TNS3: variants seen among roughly 807,000 people sequenced by gnomAD.
TNS3 encodes tensin 3.
A neutral mutation model predicts 140.9 loss-of-function variants in TNS3; 45 were observed. That is an observed-to-expected ratio of 0.32 (90% CI 0.25 to 0.41). The LOEUF (loss-of-function observed/expected upper bound fraction) is 0.41. Among genes scored for constraint, TNS3 ranks in the 10% least tolerant of loss-of-function variants. The pLI, the probability that TNS3 is intolerant of heterozygous loss-of-function variation, is 1.00. For missense variants in TNS3, 1,716 were observed against 1,906.7 expected, an observed-to-expected ratio of 0.90 and a Z score of 1.86; for synonymous variants, 815 against 788.4, an observed-to-expected ratio of 1.03 and a Z score of -0.56.
At chr7:47,469,622 C>T (rs1796863072) in intron 4 of TNS3, among the ~76,000 whole-genome samples, 1 of 152,144 alleles carries the variant, frequency 6.6e-6, no homozygotes, top group Non-Finnish European at 1.5e-5. Flanking sequence ...CCGTGCTATT[C>T]ACAATAGCAA....
In TNS3 at chr7:47,564,086, C is replaced by T. The variant is rs539310090; in HGVS notation, c.-265+17965G>A. On this transcript the variant is annotated intron_variant, in intron 1 of 30. Coordinates refer to ENST00000311160, the MANE Select transcript of TNS3 (RefSeq NM_022748.12). ...GCAGGCTCCTATAGTCCCAGCTGCTCAGGAGGCTGAAGCAGGAGAATGGCG... is the reference window on the plus strand; with the variant it reads ...GCAGGCTCCTATAGTCCCAGCTGCTTAGGAGGCTGAAGCAGGAGAATGGCG... Among the ~76,000 whole-genome samples, 6 of 149,408 alleles carry T rather than the reference C, an allele frequency of 4.0e-5. No individual in the cohort carries two copies. The South Asian group carries it at 8.4e-4, about 21-fold the overall frequency.
At chr7:47,454,927 A>G (rs1216325676) in intron 4 of TNS3, among the ~76,000 whole-genome samples, 3 of 152,102 alleles carry the variant, frequency 2.0e-5, no homozygotes, top group African/African-American at 4.8e-5. Flanking sequence ...GGGAGGGGTT[A>G]TGTATGCTGA....
chr7:47,351,802 G>A (rs970662289), intron 17 of TNS3, among the ~76,000 whole-genome samples: 25 of 152,158 alleles, frequency 1.6e-4, no homozygotes, highest in African/African-American at 5.6e-4. Context: ...GTTACAAAAC[G>A]GGCTCCTGTC....
intron 3 of TNS3, among the ~76,000 whole-genome samples, chr7:47,494,484 C>T (rs1797927070): frequency 6.6e-6 from 1 of 152,238 alleles, no homozygotes; most frequent in Non-Finnish European, 1.5e-5. Flanking sequence ...ATTCTATCCA[C>T]TCCACCTCCC....
At chr7:47,280,029 T>C in intron 30 of TNS3, 135 bp downstream of exon 30, 1 of 1,080,690 alleles carries the variant, frequency 9.3e-7, no homozygotes. Context: ...CTTTTACTTT[T>C]TTCTTTTTTA....
chr7:47,549,422 G>A (rs143807779), intron 1 of TNS3, among the ~76,000 whole-genome samples: 2,612 of 152,168 alleles, frequency 0.017, 79 homozygotes, highest in African/African-American at 0.059. Flanking sequence ...TTGAACCCAG[G>A]AGGCGGAGGT....
At chr7:47,302,349 G>A in intron 22 of TNS3, 77 bp from the exon 23 acceptor site, 2 of 1,237,720 alleles carry the variant, frequency 1.6e-6, no homozygotes, top group Non-Finnish European at 2.4e-6. Context: ...TGTGATCCCA[G>A]AAGTCCAAAT....
chr7:47,573,232 T>C (rs990361532), intron 1 of TNS3, among the ~76,000 whole-genome samples: 2 of 152,222 alleles, frequency 1.3e-5, no homozygotes, highest in Non-Finnish European at 2.9e-5. Flanking sequence ...GCCAACGCCC[T>C]GATACAAGCC....
intron 1 of TNS3, among the ~76,000 whole-genome samples, chr7:47,561,783 A>G (rs754234747): frequency 2.0e-5 from 3 of 152,168 alleles, no homozygotes; most frequent in Non-Finnish European, 2.9e-5. Context: ...GCTTTGGCCA[A>G]TGGAATAGAA....
chr7:47,550,004 C>T (rs2151979568), intron 1 of TNS3, among the ~76,000 whole-genome samples: 1 of 142,568 alleles, frequency 7.0e-6, no homozygotes, highest in East Asian at 2.3e-4. Context: ...CCTTGGTCTC[C>T]TCTCCCCTCT....
chr7:47,553,273 A>G (rs1417898918), intron 1 of TNS3, among the ~76,000 whole-genome samples: 1 of 152,232 alleles, frequency 6.6e-6, no homozygotes, highest in Admixed American at 6.5e-5. Context: ...GCTACACTAA[A>G]CAACAGATTT....
At chr7:47,466,231 C>A (rs760785131) in intron 4 of TNS3, among the ~76,000 whole-genome samples, 1 of 151,832 alleles carries the variant, frequency 6.6e-6, no homozygotes, top group African/African-American at 2.4e-5. Context: ...CGGCTCACTG[C>A]AATCTCTGCC....
Position 47,291,914 on chromosome 7 carries a change from C to G in TNS3, c.3928+41G>C, listed in dbSNP as rs368261228. ...AGTTGTGTCAGTGAGTCCTTTTTCTCCCCAGTCACCAGATGTAGAAATGGA... is the reference window on the plus strand; with the variant it reads ...AGTTGTGTCAGTGAGTCCTTTTTCTGCCCAGTCACCAGATGTAGAAATGGA... On this transcript the variant is annotated intron_variant, in intron 27 of 30. Transcript: ENST00000311160. 1.4e-5 allele frequency: 22 copies of G among 1,602,216 alleles called. No individual in the cohort carries two copies. The African/African-American group carries it at 2.5e-4, about 19-fold the overall frequency.
intron 3 of TNS3, among the ~76,000 whole-genome samples, chr7:47,489,715 T>C (rs921283101): frequency 2.6e-5 from 4 of 152,252 alleles, no homozygotes; most frequent in African/African-American, 4.8e-5. Flanking sequence ...GTGAACCTAT[T>C]GTTGGAACAA....
At chr7:47,471,452 G>C (rs1023895578) in intron 4 of TNS3, among the ~76,000 whole-genome samples, 1 of 152,056 alleles carries the variant, frequency 6.6e-6, no homozygotes, top group Non-Finnish European at 1.5e-5. Context: ...GAATGGAAGG[G>C]GGTCTTCCTT....
chr7:47,465,925 A>AAAATAAATAAATAAATAAATAAATAAAT (rs373640446), intron 4 of TNS3, among the ~76,000 whole-genome samples: 44 of 150,484 alleles, frequency 2.9e-4, no homozygotes, highest in African/African-American at 1.1e-3. Flanking sequence ...ACTCCGTCTA[A>AAAATAAATAAATAAATAAATAAATAAAT]AAATAAATAA....
At chr7:47,296,197 T>C (rs1584336353) in intron 24 of TNS3, among the ~76,000 whole-genome samples, 1 of 150,974 alleles carries the variant, frequency 6.6e-6, no homozygotes, top group African/African-American at 2.4e-5. Flanking sequence ...GAAAATCAAG[T>C]GTCCACCAAC....
chr7:47,564,035 T>C (rs1800371680), intron 1 of TNS3, among the ~76,000 whole-genome samples: 1 of 88,764 alleles, frequency 1.1e-5, no homozygotes, highest in Non-Finnish European at 2.2e-5. Flanking sequence ...CTACTAAAAA[T>C]ACAAAAAAAA....
At chr7:47,339,712 A>G (rs1195388831) in intron 20 of TNS3, among the ~76,000 whole-genome samples, 1 of 152,074 alleles carries the variant, frequency 6.6e-6, no homozygotes, top group Non-Finnish European at 1.5e-5. Context: ...TGTTGTCTAT[A>G]TCTACAAAAA....
Sources: gnomAD v4.1 joint callset for allele counts (sites outside exome capture counted in the v4.1 genomes callset) on GRCh38, gnomAD v4.1.1 for gene constraint, MANE v1.5 for transcripts, NCBI Gene and HGNC (gene_info 2026-07-23, HGNC 2026-07-21) for gene names.